Variants in ROBO1 observed in about 807,000 individuals in gnomAD.
The protein encoded by ROBO1 is roundabout homolog 1.
Under a neutral mutation model 195.9 loss-of-function variants are expected in ROBO1, and 149 were observed. The observed-to-expected ratio is 0.76, with a 90% confidence interval of 0.67 to 0.87. The LOEUF (loss-of-function observed/expected upper bound fraction) is 0.87, where lower values mean the gene tolerates loss of function less well. Among genes scored for constraint, ROBO1 ranks in the 40% least tolerant of loss-of-function variants. The probability of loss-of-function intolerance (pLI) is 0.00; values close to 1 mark genes in which losing one functional copy is unlikely to be tolerated. For missense variants in ROBO1, 1,933 were observed against 2,068.3 expected, an observed-to-expected ratio of 0.93 and a Z score of 1.27; for synonymous variants, 816 against 733.2, an observed-to-expected ratio of 1.11 and a Z score of -1.82.
chr3:79,580,446 C>T (rs1274411597), intron 2 of ROBO1, among the ~76,000 whole-genome samples: 3 of 152,018 alleles, frequency 2.0e-5, no homozygotes, highest in African/African-American at 7.2e-5. Context: ...CACACCATTG[C>T]ACTCCAGCCT....
At chr3:78,858,692 G>C (rs2034604585) in intron 4 of ROBO1, among the ~76,000 whole-genome samples, 1 of 151,726 alleles carries the variant, frequency 6.6e-6, no homozygotes, top group Admixed American at 6.6e-5. Context: ...GGATATTGCA[G>C]ATCTCACCAC....
chr3:79,561,305 A>G (rs951622328), intron 2 of ROBO1, among the ~76,000 whole-genome samples: 1 of 152,186 alleles, frequency 6.6e-6, no homozygotes, highest in African/African-American at 2.4e-5. Context: ...TGGCCTCCTA[A>G]AAGGAGTTAA....
At chr3:79,009,606 T>G (rs2077724983) in intron 3 of ROBO1, among the ~76,000 whole-genome samples, 1 of 152,178 alleles carries the variant, frequency 6.6e-6, no homozygotes, top group Non-Finnish European at 1.5e-5. Flanking sequence ...GAAAGAGTAT[T>G]GATTACAGTG....
chr3:78,668,681 T>C, intron 11 of ROBO1, 116 bp from the exon 12 acceptor site: 2 of 800,276 alleles, frequency 2.5e-6, no homozygotes, highest in Non-Finnish European at 3.9e-6. Flanking sequence ...TAAAATTCAC[T>C]AACCAGAAAC....
intron 2 of ROBO1, among the ~76,000 whole-genome samples, chr3:79,472,530 G>T (rs76241552): frequency 0.011 from 1,629 of 152,254 alleles, 30 homozygotes; most frequent in African/African-American, 0.037. Flanking sequence ...TTCAGGTATT[G>T]ATGAGAGAAG....
At chr3:79,145,360 T>TAC (rs1319650356) in intron 2 of ROBO1, among the ~76,000 whole-genome samples, 49 of 22,142 alleles carry the variant, frequency 2.2e-3, no homozygotes, top group African/African-American at 8.9e-3. Flanking sequence ...ATGCCAGAAA[T>TAC]ACACACACAC....
At chr3:79,408,933 T>C (rs1029140700) in intron 2 of ROBO1, among the ~76,000 whole-genome samples, 1 of 152,146 alleles carries the variant, frequency 6.6e-6, no homozygotes, top group Non-Finnish European at 1.5e-5. Context: ...ATTTGATTGG[T>C]ATTTTGAAGT....
At chr3:79,291,343 C>G (rs535084369) in intron 2 of ROBO1, among the ~76,000 whole-genome samples, 4 of 152,280 alleles carry the variant, frequency 2.6e-5, no homozygotes, top group African/African-American at 9.6e-5. Context: ...GTCTCCTCTT[C>G]TACCTCCCTC....
chr3:78,845,146 T>C (rs750668351), intron 4 of ROBO1, among the ~76,000 whole-genome samples: 2 of 152,052 alleles, frequency 1.3e-5, no homozygotes, highest in Non-Finnish European at 2.9e-5. Context: ...CACTAACTAC[T>C]GTGAATATCA....
intron 2 of ROBO1, among the ~76,000 whole-genome samples, chr3:79,221,642 G>A (rs1488881661): frequency 2.0e-5 from 3 of 151,994 alleles, no homozygotes; most frequent in East Asian, 1.9e-4. Flanking sequence ...AATGAATAAT[G>A]TGCCACTATA....
intron 5 of ROBO1, among the ~76,000 whole-genome samples, chr3:78,736,923 A>C (rs550517338): frequency 6.6e-6 from 1 of 152,286 alleles, no homozygotes; most frequent in African/African-American, 2.4e-5. Context: ...CTTAACCAGT[A>C]CTTTGCATCT....
At chr3:78,868,576 C>T (rs569179123) in intron 4 of ROBO1, among the ~76,000 whole-genome samples, 3 of 152,154 alleles carry the variant, frequency 2.0e-5, no homozygotes, top group Admixed American at 6.5e-5. Flanking sequence ...TAATCCATAA[C>T]TTAAGGCACT....
chr3:79,414,259 T>C (rs1018230152), intron 2 of ROBO1, among the ~76,000 whole-genome samples: 2 of 151,912 alleles, frequency 1.3e-5, no homozygotes, highest in Non-Finnish European at 2.9e-5. Context: ...TGTGTGTGTA[T>C]GTGTGCGTGT....
intron 2 of ROBO1, among the ~76,000 whole-genome samples, chr3:79,161,222 G>C (rs2080958009): frequency 6.6e-6 from 1 of 152,058 alleles, no homozygotes. Flanking sequence ...GCCAAGTCAA[G>C]CTGACATAAA....
chr3:79,352,389 C>T (rs538742887), intron 2 of ROBO1, among the ~76,000 whole-genome samples: 3 of 152,162 alleles, frequency 2.0e-5, no homozygotes, highest in Non-Finnish European at 4.4e-5. Flanking sequence ...CATCGCTCAG[C>T]TTCCCCACTG....
chr3:79,704,339 T>G (rs1270015928), intron 1 of ROBO1, among the ~76,000 whole-genome samples: 3 of 151,980 alleles, frequency 2.0e-5, no homozygotes, highest in African/African-American at 7.2e-5. Context: ...CTCTACCTAT[T>G]CATGTCTCCC....
At chr3:78,931,042 T>C (rs1339319005) in intron 4 of ROBO1, among the ~76,000 whole-genome samples, 4 of 152,040 alleles carry the variant, frequency 2.6e-5, no homozygotes, top group African/African-American at 4.8e-5. Context: ...TCACCTCCCA[T>C]TGTCCTGGAA....
chr3:79,404,701 G>A (rs757002117), intron 2 of ROBO1, among the ~76,000 whole-genome samples: 16 of 152,000 alleles, frequency 1.1e-4, no homozygotes, highest in East Asian at 1.9e-4. Context: ...GGATGAATAA[G>A]CCTGTGTTGC....
At chr3:79,110,604 T>C (rs1465605149) in intron 3 of ROBO1, among the ~76,000 whole-genome samples, 2 of 150,968 alleles carry the variant, frequency 1.3e-5, no homozygotes, top group African/African-American at 4.9e-5. Flanking sequence ...ATTATTGATT[T>C]GAAGTGAGGG....
Sources: allele counts gnomAD v4.1 joint callset (sites outside exome capture counted in the v4.1 genomes callset), GRCh38; gene constraint gnomAD v4.1.1; transcripts MANE v1.5; gene names NCBI Gene and HGNC (gene_info 2026-07-23, HGNC 2026-07-21).